Variants in DOCK3 observed in about 807,000 individuals in gnomAD.
DOCK3 encodes the protein dedicator of cytokinesis 3.
In DOCK3, 60 loss-of-function variants were observed where a neutral mutation model predicts 265.6. The observed-to-expected ratio is 0.23, with a 90% CI of 0.18 to 0.28. The LOEUF (loss-of-function observed/expected upper bound fraction) is 0.28. DOCK3 is among the 10% of genes least tolerant of loss of function. DOCK3 has a pLI of 1.00. For synonymous variants in DOCK3, 881 were observed against 938.0 expected, an observed-to-expected ratio of 0.94 and a Z score of 1.11; for missense variants, 1,981 against 2,594.3, an observed-to-expected ratio of 0.76 and a Z score of 5.14.
At chr3:50,857,791 A>T (rs1392143299) in intron 3 of DOCK3, among the ~76,000 whole-genome samples, 1 of 152,242 alleles carries the variant, frequency 6.6e-6, no homozygotes, top group East Asian at 1.9e-4. Flanking sequence ...GATACTGGAG[A>T]GGATGTGGAG....
chr3:51,196,084 C>G (rs969868767), intron 12 of DOCK3, among the ~76,000 whole-genome samples: 1 of 144,866 alleles, frequency 6.9e-6, no homozygotes, highest in Admixed American at 7.1e-5. Flanking sequence ...TTCAGGCACA[C>G]TTCACCACGC....
At chr3:50,997,696 C>T (rs10451991) in intron 5 of DOCK3, among the ~76,000 whole-genome samples, 1 of 152,148 alleles carries the variant, frequency 6.6e-6, no homozygotes, top group South Asian at 2.1e-4. Context: ...TGGTGCTGCA[C>T]TGGCTGAGTT....
intron 2 of DOCK3, among the ~76,000 whole-genome samples, chr3:50,803,761 C>T (rs1023623548): frequency 6.7e-6 from 1 of 150,106 alleles, no homozygotes; most frequent in African/African-American, 2.4e-5. Context: ...CCCCACCTCC[C>T]TCCTGGACAG....
intron 33 of DOCK3, 67 bp downstream of exon 33, chr3:51,330,290 A>G: frequency 1.4e-6 from 2 of 1,477,328 alleles, no homozygotes; most frequent in Non-Finnish European, 9.2e-7. Flanking sequence ...TGAAAAGTAG[A>G]GGTTGCAACT....
At chr3:51,264,309 A>G (rs974736928) in intron 23 of DOCK3, among the ~76,000 whole-genome samples, 1 of 152,210 alleles carries the variant, frequency 6.6e-6, no homozygotes, top group East Asian at 1.9e-4. Context: ...CTGAATGACT[A>G]CTGGGTACAT....
At chr3:51,185,988 G>A (rs1456572632) in intron 12 of DOCK3, among the ~76,000 whole-genome samples, 2 of 152,088 alleles carry the variant, frequency 1.3e-5, no homozygotes, top group Non-Finnish European at 2.9e-5. Flanking sequence ...ACAATAAATT[G>A]GTACCAGTAG....
In DOCK3 at chr3:51,204,194, A is replaced by T. The variant is rs1239835347; in HGVS notation, c.1038-4580A>T. On this transcript the variant is annotated intron_variant, in intron 12 of 52. Transcript: ENST00000266037. ...TCTAATTAAACTAAAGAGCTTCTGC[A>T]CAGCAAAAGAAACTACCATCAGAGT... Among the ~76,000 whole-genome samples, 19 of 148,164 alleles carry T rather than the reference A, an allele frequency of 1.3e-4. No individual in the cohort carries two copies. In the East Asian group the frequency reaches 3.7e-3, roughly 29 times the overall value.
intron 5 of DOCK3, among the ~76,000 whole-genome samples, chr3:51,034,144 T>A (rs1343034871): frequency 2.0e-5 from 3 of 152,298 alleles, no homozygotes; most frequent in Middle Eastern, 6.8e-3. Flanking sequence ...TTTTTCATAA[T>A]ATGCATTTTC....
chr3:51,273,242 A>G (rs2080612682), intron 24 of DOCK3, among the ~76,000 whole-genome samples: 1 of 151,960 alleles, frequency 6.6e-6, no homozygotes, highest in Non-Finnish European at 1.5e-5. Flanking sequence ...GACATACTTT[A>G]TTTCTAATAT....
chr3:51,375,885 G>A (rs765043677), intron 51 of DOCK3, 50 bp downstream of exon 51: 3 of 1,597,842 alleles, frequency 1.9e-6, no homozygotes, highest in Non-Finnish European at 2.6e-6. Context: ...CATCCTGAGT[G>A]TCTGACTCTT....
At chr3:51,325,301 T>G (rs2084026684) in intron 32 of DOCK3, among the ~76,000 whole-genome samples, 1 of 151,658 alleles carries the variant, frequency 6.6e-6, no homozygotes, top group Non-Finnish European at 1.5e-5. Flanking sequence ...CCAACAAACA[T>G]ATGTAAAAAA....
chr3:51,350,850 A>G (rs1469705082), intron 40 of DOCK3, among the ~76,000 whole-genome samples: 2 of 152,188 alleles, frequency 1.3e-5, no homozygotes, highest in Non-Finnish European at 2.9e-5. Context: ...TGCAGCCAGG[A>G]TGGAGAACTG....
At chr3:50,916,691 C>A (rs2050144915) in intron 4 of DOCK3, among the ~76,000 whole-genome samples, 1 of 151,850 alleles carries the variant, frequency 6.6e-6, no homozygotes, top group African/African-American at 2.4e-5. Context: ...CACCTGTAAT[C>A]CCAGCTATTC....
chr3:51,257,253 T>C (rs2079599017), intron 22 of DOCK3, among the ~76,000 whole-genome samples: 1 of 152,212 alleles, frequency 6.6e-6, no homozygotes, highest in Non-Finnish European at 1.5e-5. Context: ...CTTCACCAGA[T>C]TAGTAAGTTT....
intron 27 of DOCK3, among the ~76,000 whole-genome samples, chr3:51,289,904 C>A (rs1240955219): frequency 6.6e-6 from 1 of 152,182 alleles, no homozygotes; most frequent in Non-Finnish European, 1.5e-5. Context: ...CAAAAGAAGA[C>A]ATTTATGCAG....
intron 27 of DOCK3, among the ~76,000 whole-genome samples, chr3:51,300,712 T>C (rs1337721003): frequency 1.3e-5 from 2 of 152,216 alleles, no homozygotes. Flanking sequence ...CTTTATTGAT[T>C]TGTGTATGTT....
intron 4 of DOCK3, among the ~76,000 whole-genome samples, chr3:50,906,187 G>A (rs991803104): frequency 6.6e-6 from 1 of 151,906 alleles, no homozygotes; most frequent in African/African-American, 2.4e-5. Context: ...GAGGATTTTT[G>A]CATCGATGTT....
intron 15 of DOCK3, 144 bp downstream of exon 15, chr3:51,225,917 A>G (rs953533900): frequency 8.8e-7 from 1 of 1,138,760 alleles, no homozygotes. Context: ...TCTTGAAGAA[A>G]ACTCTAAAGT....
chr3:51,160,531 C>G (rs1576280858), intron 11 of DOCK3, 24 bp from the exon 12 acceptor site: 1 of 1,589,840 alleles, frequency 6.3e-7, no homozygotes, highest in South Asian at 1.1e-5. Context: ...CTCAGTCTGA[C>G]TGGTGTTTTC....
Sources: allele counts gnomAD v4.1 joint callset (sites outside exome capture counted in the v4.1 genomes callset), GRCh38; gene constraint gnomAD v4.1.1; transcripts MANE v1.5; gene names NCBI Gene and HGNC (gene_info 2026-07-23, HGNC 2026-07-21).